The following ERMARD variants were observed in gnomAD, a reference collection of about 807,000 sequenced individuals.
ERMARD encodes the protein endoplasmic reticulum membrane-associated RNA degradation protein.
A neutral mutation model predicts 83.9 loss-of-function variants in ERMARD; 71 were observed. The ratio of observed to expected loss-of-function variants is 0.85; its 90% CI spans 0.70 to 1.03. ERMARD has a LOEUF of 1.03. ERMARD is among the 50% of genes least tolerant of loss of function. The pLI, the probability that ERMARD is intolerant of heterozygous loss-of-function variation, is 0.00. For missense variants in ERMARD, 838 were observed against 810.9 expected, an observed-to-expected ratio of 1.03 and a Z score of -0.41; for synonymous variants, 284 against 298.6, an observed-to-expected ratio of 0.95 and a Z score of 0.50.
intron 10 of ERMARD, 103 bp downstream of exon 10, chr6:169,766,770 A>AAGTATTTGTC: frequency 8.0e-7 from 1 of 1,252,390 alleles, no homozygotes; most frequent in East Asian, 2.7e-5. Context: ...TAAATCATAT[A>AAGTATTTGTC]CTTACAGGAA....
rs767997605 is a variant in ERMARD at position 169,775,941 on chromosome 6, T to C, written c.1396T>C (p.Leu466=). 3 of 1,614,052 alleles carry C rather than the reference T, an allele frequency of 1.9e-6. No individual in the cohort carries two copies. The highest frequency in any genetic ancestry group is 1.6e-4 in the Middle Eastern group (1 of 6,062). Residue 466 remains leucine, a splice_region_variant and synonymous_variant, in exon 15 of 18, where the codon TTA becomes CTA. Coordinates refer to ENST00000366773, the MANE Select transcript of ERMARD (RefSeq NM_018341.3). ...CTTTAAATATTTTCTGTTTTTCAGA[T>C]TAGAAGATAATTCTGAAACAAATGC... ...PEELTRQAVR[L]EDNSETNACH...
chr6:169,762,827 A>C (rs1791724550), intron 9 of ERMARD, among the ~76,000 whole-genome samples: 1 of 152,180 alleles, frequency 6.6e-6, no homozygotes, highest in Admixed American at 6.5e-5. Flanking sequence ...ACCGCGTGAG[A>C]TGGCTGCGGT....
intron 17 of ERMARD, among the ~76,000 whole-genome samples, chr6:169,780,269 G>GCA (rs1794057024): frequency 6.6e-6 from 1 of 152,042 alleles, no homozygotes; most frequent in African/African-American, 2.4e-5. Context: ...AATACCAATG[G>GCA]CACCCCTACC....
chr6:169,752,137 C>T (rs1790199761), intron 1 of ERMARD, among the ~76,000 whole-genome samples: 1 of 152,204 alleles, frequency 6.6e-6, no homozygotes, highest in Non-Finnish European at 1.5e-5. Flanking sequence ...GGAAGGATCG[C>T]TTTAGCCCAG....
intron 7 of ERMARD, among the ~76,000 whole-genome samples, chr6:169,760,341 T>C (rs930184002): frequency 6.6e-6 from 1 of 152,220 alleles, no homozygotes; most frequent in Non-Finnish European, 1.5e-5. Flanking sequence ...TGTAGTAATA[T>C]CAAGGGTCTT....
chr6:169,780,867 C>A (rs1212016034), intron 17 of ERMARD, among the ~76,000 whole-genome samples: 2 of 152,012 alleles, frequency 1.3e-5, no homozygotes, highest in Admixed American at 6.6e-5. Flanking sequence ...GAAAAAAAAA[C>A]AAAACACAAA....
At chr6:169,757,349 C>T (rs1326208470) in intron 5 of ERMARD, among the ~76,000 whole-genome samples, 1 of 152,164 alleles carries the variant, frequency 6.6e-6, no homozygotes, top group Non-Finnish European at 1.5e-5. Flanking sequence ...GAAAGCTTTC[C>T]TATCCCGAGT....
At chr6:169,780,461 A>T (rs1228767432) in intron 17 of ERMARD, among the ~76,000 whole-genome samples, 1 of 152,232 alleles carries the variant, frequency 6.6e-6, no homozygotes, top group African/African-American at 2.4e-5. Context: ...TACCTGGCAA[A>T]TGTGGAAAAA....
At chr6:169,770,183 T>G (rs1460010995) in intron 12 of ERMARD, among the ~76,000 whole-genome samples, 1 of 152,224 alleles carries the variant, frequency 6.6e-6, no homozygotes, top group African/African-American at 2.4e-5. Flanking sequence ...ATTGTTTAAA[T>G]GTTCAAACAA....
chr6:169,769,747 T>G (rs746499080), intron 12 of ERMARD, 34 bp downstream of exon 12: 1 of 1,528,874 alleles, frequency 6.5e-7, no homozygotes, highest in South Asian at 1.2e-5. Context: ...TTAATTAGAT[T>G]AACTCATTCA....
chr6:169,775,262 C>T lies in ERMARD; in HGVS notation c.1318-8C>T. 1 of 1,613,642 alleles carries T rather than the reference C, an allele frequency of 6.2e-7. No individual in the cohort carries two copies. Among genetic ancestry groups the T allele is most frequent in the Non-Finnish European group, 8.5e-7 (1 of 1,179,840 alleles). On this transcript the variant is annotated splice_polypyrimidine_tract_variant and splice_region_variant and intron_variant, in intron 13 of 17. Coordinates refer to ENST00000366773, the MANE Select transcript of ERMARD (RefSeq NM_018341.3). ...AATCTACAAAAGCAATAAAACATTT[C>T]CTCCCAGGTGCTGAGCTGTGAGGAG... is the stretch of plus-strand genomic sequence containing the variant.
In ERMARD at chr6:169,769,533, C is replaced by T. The variant is rs1361016473; in HGVS notation, c.1060-7C>T. On this transcript the variant is annotated splice_region_variant and splice_polypyrimidine_tract_variant and intron_variant, in intron 11 of 17. Transcript: ENST00000366773. ...ACAAAATATTTTCTCTGTTTAATTT[C>T]TGAAAGGAATTTCTCTGGGATTTCC... is the stretch of plus-strand genomic sequence containing the variant. 2 of 1,593,686 alleles carry T rather than the reference C, an allele frequency of 1.3e-6. No homozygotes were observed. Among genetic ancestry groups the T allele is most frequent in the South Asian group, 1.1e-5 (1 of 87,170 alleles).
At chr6:169,756,468 C>T in intron 4 of ERMARD, 29 bp downstream of exon 4, 1 of 1,448,612 alleles carries the variant, frequency 6.9e-7, no homozygotes, top group Non-Finnish European at 9.5e-7. Context: ...TCATTATTGG[C>T]CCATTAAATT....
Position 169,781,600 on chromosome 6 carries a change from C to A in ERMARD, c.*87C>A. On this transcript the variant is annotated 3_prime_UTR_variant, in exon 18 of 18. Transcript: ENST00000366773. ...CCAAAGACAGGGTGGAGTTGAGGGT[C>A]TGCTTGGCCAGGGTCCAGGTTCTGT... is the stretch of plus-strand genomic sequence containing the variant. 7.8e-7 allele frequency: 1 copy of A among 1,280,510 alleles called. No homozygotes were observed. Among genetic ancestry groups the A allele is most frequent in the Non-Finnish European group, 1.1e-6 (1 of 943,260 alleles). The allele number at this position is 1,280,510 out of a possible 1,614,324, so 79.3% of individuals were successfully genotyped here. A position where few individuals can be genotyped will look rare whatever the true frequency, so the allele number is the denominator to read the frequency against.
At chr6:169,759,734 T>C (rs1791286593) in intron 6 of ERMARD, 104 bp from the exon 7 acceptor site, 1 of 1,156,394 alleles carries the variant, frequency 8.6e-7, no homozygotes, top group Non-Finnish European at 1.3e-6. Flanking sequence ...TTTCATGCAA[T>C]TTAACTTTGC....
chr6:169,754,042 G>A lies in ERMARD; in HGVS notation c.175+10G>A. The A allele has an allele frequency of 1.9e-6, 3 of 1,594,582 alleles. No homozygotes were observed. The highest frequency in any genetic ancestry group is 2.6e-6 in the Non-Finnish European group (3 of 1,167,970). On this transcript the variant is annotated intron_variant, in intron 2 of 17. Coordinates refer to ENST00000366773, the MANE Select transcript of ERMARD (RefSeq NM_018341.3). ...AGCTACACAGAGTCAGGTTTGTGCT[G>A]TCTTTGTACTCCAAACTTTCATAAC...
Position 169,751,832 on chromosome 6 carries a change from A to G in ERMARD, c.6+169A>G, listed in dbSNP as rs1790140008. ...TCGCGGCCCTGGCCTCTGTGGCGGTATCGGACGCTCGGCCCTGCAAGACGC... is the reference window on the plus strand; with the variant it reads ...TCGCGGCCCTGGCCTCTGTGGCGGTGTCGGACGCTCGGCCCTGCAAGACGC... On this transcript the variant is annotated intron_variant, in intron 1 of 17. Transcript: ENST00000366773. 12 of 1,030,292 alleles carry G rather than the reference A, an allele frequency of 1.2e-5. No individual in the cohort carries two copies. In the South Asian group the frequency reaches 2.3e-4, roughly 20 times the overall value. 63.8% of individuals were successfully genotyped at this position (1,030,292 alleles called of 1,614,324 possible).
chr6:169,754,062 CA>C (rs1252952610), intron 2 of ERMARD, 30 bp downstream of exon 2: 1 of 1,566,398 alleles, frequency 6.4e-7, no homozygotes. Context: ...TCCAAACTTT[CA>C]TAACTGTCCC....
At chr6:169,755,180 T>G in intron 2 of ERMARD, 103 bp from the exon 3 acceptor site, 1 of 1,369,618 alleles carries the variant, frequency 7.3e-7, no homozygotes, top group Non-Finnish European at 9.9e-7. Context: ...GTTGATTTTG[T>G]GGAAATTTTA....
Sources: gnomAD v4.1 joint callset for allele counts (sites outside exome capture counted in the v4.1 genomes callset) on GRCh38, gnomAD v4.1.1 for gene constraint, MANE v1.5 for transcripts, NCBI Gene and HGNC (gene_info 2026-07-23, HGNC 2026-07-21) for gene names.